DNA2: variants seen among roughly 807,000 people sequenced by gnomAD.
DNA2 encodes DNA replication ATP-dependent helicase/nuclease DNA2.
A neutral mutation model predicts 119.1 loss-of-function variants in DNA2; 101 were observed. That is an observed-to-expected ratio of 0.85 (90% CI 0.72 to 1.00). DNA2 has a LOEUF of 1.00. Among genes scored for constraint, DNA2 ranks in the 50% least tolerant of loss-of-function variants. The pLI, the probability that DNA2 is intolerant of heterozygous loss-of-function variation, is 0.00. For synonymous variants in DNA2, 366 were observed against 424.4 expected (o/e 0.86, Z 1.69); for missense variants, 1,121 against 1,255.5 (o/e 0.89, Z 1.62).
At chr10:68,467,569 GAC>G (rs1217562073) in intron 3 of DNA2, among the ~76,000 whole-genome samples, 2 of 151,970 alleles carry the variant, frequency 1.3e-5, no homozygotes, top group South Asian at 2.1e-4. Flanking sequence ...TGTTTGTTTT[GAC>G]ACAGAGTCTT....
chr10:68,419,050 C>T lies in DNA2; in HGVS notation c.2951G>A (p.Ser984Asn). The change falls in exon 19 of 21, where the codon AGT (serine) becomes AAT (asparagine). Residue 984 changes from serine (S) to asparagine (N), a missense_variant. By Grantham distance (46) the Ser-to-Asn change is conservative. Coordinates refer to ENST00000358410, the MANE Select transcript of DNA2 (RefSeq NM_001080449.3). ...TTAACTCACAGTTCCATCCTTATTA[C>T]TTCTAACAAAAGATACTAGGACAAT... is the stretch of plus-strand genomic sequence containing the variant. Reference protein sequence around the residue: ...KSIVLVSFVRSNKDGTVGELL... With the variant: ...KSIVLVSFVRNNKDGTVGELL... 6.2e-7 allele frequency: 1 copy of T among 1,601,068 alleles called. No individual in the cohort carries two copies. The highest frequency in any genetic ancestry group is 8.5e-7 in the Non-Finnish European group (1 of 1,175,780).
chr10:68,429,213 C>G (rs904322245), intron 14 of DNA2, among the ~76,000 whole-genome samples: 1 of 150,356 alleles, frequency 6.7e-6, no homozygotes, highest in African/African-American at 2.5e-5. Context: ...ATAGCCGCGC[C>G]CATAATCCCA....
At chr10:68,448,932 G>GGTGTGTGT (rs776191186) in intron 6 of DNA2, among the ~76,000 whole-genome samples, 4,082 of 142,190 alleles carry the variant, frequency 0.029, 85 homozygotes, top group Middle Eastern at 0.053. Context: ...CACCACACCA[G>GGTGTGTGT]GTGTGTGTGT....
At chr10:68,450,944 T>C (rs1273911075) in intron 5 of DNA2, among the ~76,000 whole-genome samples, 1 of 151,822 alleles carries the variant, frequency 6.6e-6, no homozygotes. Flanking sequence ...ATTAAAAAAA[T>C]ACAAGAATTA....
At chr10:68,435,868 G>A (rs751178863) in intron 10 of DNA2, among the ~76,000 whole-genome samples, 12 of 152,188 alleles carry the variant, frequency 7.9e-5, no homozygotes, top group Non-Finnish European at 1.5e-4. Flanking sequence ...GAACAAAATA[G>A]TCAGTGCCCA....
At position 68,463,686 on chromosome 10, in the gene DNA2, A is replaced by G. The variant is rs564476211; in HGVS notation, c.587+1981T>C. 3.1e-3 allele frequency among the ~76,000 whole-genome samples: 446 copies of G among 144,112 alleles called. 4 individuals are homozygous for G. Among genetic ancestry groups the G allele is most frequent in the African/African-American group, 0.012 (421 of 36,594 alleles). The allele number at this position is 144,112 out of a possible 152,430, so 94.5% of individuals were successfully genotyped here. The stretch of plus-strand genomic sequence containing the variant: ...TCCATCTCAAAAAAAAAAAAAAAAG[A>G]TACAACTTACAATTTTTCTCACTTG... On this transcript the variant is annotated intron_variant, in intron 4 of 20. Transcript: ENST00000358410.
intron 5 of DNA2, among the ~76,000 whole-genome samples, chr10:68,453,429 T>C (rs773495205): frequency 7.2e-5 from 11 of 152,316 alleles, no homozygotes; most frequent in East Asian, 3.9e-4. Flanking sequence ...GTTTCTAAGA[T>C]ACTGATCCTT....
At chr10:68,440,014 A>AT (rs1268963533) in intron 9 of DNA2, among the ~76,000 whole-genome samples, 2 of 149,584 alleles carry the variant, frequency 1.3e-5, no homozygotes, top group Non-Finnish European at 3.0e-5. Context: ...AAAAAAAAAA[A>AT]TTTTTTTGGC....
rs1422996682 is a variant in DNA2, at chr10:68,468,274, A to G, written c.290T>C (p.Ile97Thr). ...AGATGTGCAGTCTCCCTCCAAATGAATGATATCTCCTGGCTCTACTGGAAC... is the reference window on the plus strand; with the variant it reads ...AGATGTGCAGTCTCCCTCCAAATGAGTGATATCTCCTGGCTCTACTGGAAC... The part of the protein sequence containing the change: ...CSVPVEPGDI[I>T]HLEGDCTSDT... Residue 97 changes from isoleucine (I) to threonine (T), a missense_variant, in exon 3 of 21, where the codon ATT becomes ACT. Ile to Thr is a moderately conservative substitution (Grantham distance 89). Transcript: ENST00000358410. 1 of 1,608,456 alleles carries G rather than the reference A, an allele frequency of 6.2e-7. No homozygotes were observed. Among genetic ancestry groups the G allele is most frequent in the East Asian group, 2.2e-5 (1 of 44,718 alleles).
chr10:68,427,563 C>G (rs1462682725), intron 14 of DNA2, among the ~76,000 whole-genome samples: 1 of 150,304 alleles, frequency 6.7e-6, no homozygotes, highest in Non-Finnish European at 1.5e-5. Flanking sequence ...GCAGAAAGAT[C>G]ACTTGAGCCC....
At chr10:68,443,240 T>C in intron 8 of DNA2, 129 bp from the exon 9 acceptor site, 1 of 786,254 alleles carries the variant, frequency 1.3e-6, no homozygotes, top group Non-Finnish European at 1.9e-6. Context: ...CCCCTAATGT[T>C]CCTTAAAAGT....
Position 68,471,971 on chromosome 10 carries a change from C to CATGCGCCAACCCGCAG in DNA2, c.-108_-107insCTGCGGGTTGGCGCAT. The CATGCGCCAACCCGCAG allele has an allele frequency of 6.2e-7, 1 of 1,612,152 alleles. No individual in the cohort carries two copies. Among genetic ancestry groups the CATGCGCCAACCCGCAG allele is most frequent in the Non-Finnish European group, 8.5e-7 (1 of 1,178,720 alleles). On this transcript the variant is annotated 5_prime_UTR_variant, in exon 1 of 21. In the 5' UTR this introduces an upstream ATG that the reference lacks. Transcript: ENST00000358410. ...GGCGCGAGCCTGCGCACCTCGCGCG[C>CATGCGCCAACCCGCAG]ATGCGCCAACCCGCAGATGTCCCAA...
At position 68,422,184 on chromosome 10, in the gene DNA2, G is replaced by C. The variant is rs982908269; in HGVS notation, c.2697+41C>G. 2.1e-6 allele frequency: 3 copies of C among 1,424,610 alleles called. No homozygotes were observed. In the African/African-American group the frequency reaches 4.4e-5, roughly 21 times the overall value. 88.2% of individuals were successfully genotyped at this position (1,424,610 alleles called of 1,614,324 possible). ...TGAAAACTGAGAAATTTAAATAATA[G>C]GACAAAATGAGAAAAACTAAACAGA... On this transcript the variant is annotated intron_variant, in intron 17 of 20. Transcript: ENST00000358410.
intron 2 of DNA2, among the ~76,000 whole-genome samples, chr10:68,469,696 C>A (rs2052364573): frequency 1.3e-5 from 2 of 151,948 alleles, no homozygotes; most frequent in South Asian, 4.2e-4. Flanking sequence ...AACTCCTGAC[C>A]TGAGGTGATC....
chr10:68,459,361 A>G, intron 4 of DNA2, 126 bp from the exon 5 acceptor site: 1 of 965,130 alleles, frequency 1.0e-6, no homozygotes, highest in South Asian at 2.0e-5. Flanking sequence ...TAAGCAACCC[A>G]ACTGTTCGTC....
intron 3 of DNA2, among the ~76,000 whole-genome samples, chr10:68,467,267 C>T (rs750031065): frequency 2.0e-5 from 3 of 152,008 alleles, no homozygotes; most frequent in Admixed American, 6.6e-5. Context: ...CGCACCACAA[C>T]GCCCGGCTAA....
chr10:68,445,699 C>T (rs2052029563), intron 7 of DNA2, among the ~76,000 whole-genome samples: 1 of 151,760 alleles, frequency 6.6e-6, no homozygotes, highest in Non-Finnish European at 1.5e-5. Flanking sequence ...TAGCTGAATA[C>T]TGAAGATAAA....
rs3758626 is a variant in DNA2 at position 68,465,747 on chromosome 10, G to A, written c.507C>T (p.Ala169=). 1 of 1,604,126 alleles carries A rather than the reference G, an allele frequency of 6.2e-7. No homozygotes were observed. The highest frequency in any genetic ancestry group is 1.7e-5 in the Admixed American group (1 of 58,706). The change falls in exon 4 of 21, where the codon GCC becomes GCT. Residue 169 remains alanine, a synonymous_variant. Coordinates refer to ENST00000358410, the MANE Select transcript of DNA2 (RefSeq NM_001080449.3). ...TTTCTGGGGCAAAGCTATTATTTAT[G>A]GCTTTTTGAAACACCTCATGGAGAA... is the stretch of plus-strand genomic sequence containing the variant. The part of the protein sequence containing the change: ...GTVLHEVFQK[A]INNSFAPEKL...
intron 8 of DNA2, 103 bp from the exon 9 acceptor site, chr10:68,443,214 TAACTC>T: frequency 2.0e-6 from 2 of 988,496 alleles, no homozygotes; most frequent in Non-Finnish European, 2.9e-6. Flanking sequence ...ATCATCATCA[TAACTC>T]ATAACCACAG....
Sources: allele counts gnomAD v4.1 joint callset (sites outside exome capture counted in the v4.1 genomes callset), GRCh38; gene constraint gnomAD v4.1.1; transcripts MANE v1.5; gene names NCBI Gene and HGNC (gene_info 2026-07-23, HGNC 2026-07-21).